Variants in MISP observed in about 807,000 individuals in gnomAD.
The protein encoded by MISP is mitotic interactor and substrate of PLK1.
In MISP, 51 loss-of-function variants were observed where a neutral mutation model predicts 49.3. The ratio of observed to expected loss-of-function variants is 1.03; its 90% CI spans 0.83 to 1.31. The LOEUF (loss-of-function observed/expected upper bound fraction) is 1.31. Ranked by LOEUF, MISP falls within the 50% of genes most tolerant of loss-of-function variation. The pLI is 0.00. For synonymous variants in MISP, 444 were observed against 392.6 expected (o/e 1.13, Z -1.55); for missense variants, 1,084 against 935.1 (o/e 1.16, Z -2.08).
intron 4 of MISP, among the ~76,000 whole-genome samples, chr19:763,060 C>G (rs984720845): frequency 6.6e-6 from 1 of 152,064 alleles, no homozygotes; most frequent in African/African-American, 2.4e-5. Flanking sequence ...GAGGCCGAGG[C>G]GGGAGGATCA....
At chr19:754,041 G>C (rs1292211246) in intron 1 of MISP, among the ~76,000 whole-genome samples, 1 of 152,170 alleles carries the variant, frequency 6.6e-6, no homozygotes, top group Non-Finnish European at 1.5e-5. Flanking sequence ...ATGTCTGCTG[G>C]ACACGGTGGC....
intron 1 of MISP, among the ~76,000 whole-genome samples, 188 bp from the exon 2 acceptor site, chr19:756,702 C>T (rs557604344): frequency 7.2e-5 from 11 of 151,868 alleles, no homozygotes; most frequent in African/African-American, 1.7e-4. Context: ...CTGTCACTTA[C>T]GCACCCCTAA....
At chr19:761,085 CTTTTT>C (rs557194356) in intron 3 of MISP, among the ~76,000 whole-genome samples, 1 of 92,762 alleles carries the variant, frequency 1.1e-5, no homozygotes, top group African/African-American at 4.4e-5. Context: ...ATATTATGTC[CTTTTT>C]TTTTTTTTTT....
At position 758,112 on chromosome 19, in the gene MISP, T is replaced by C. The variant is rs773363095; in HGVS notation, c.1166T>C (p.Leu389Pro). The C allele has an allele frequency of 1.9e-6, 3 of 1,602,174 alleles. No homozygotes were observed. In the Admixed American group the frequency reaches 5.1e-5, roughly 27 times the overall value. ...GTCTCGGAGGGTCCCCAGCCCGGAC[T>C]CCGGAGAGCCCTCAGCTCAGATTCC... ...DWVSEGPQPG[L>P]RRALSSDSIL... The change falls in exon 2 of 5, where the codon CTC becomes CCC. Residue 389 changes from leucine (L) to proline (P), a missense_variant. By Grantham distance (98) the Leu-to-Pro change is moderately conservative. Transcript: ENST00000215582.
Position 756,913 on chromosome 19 carries a change from C to A in MISP, c.-34C>A. The stretch of plus-strand genomic sequence containing the variant: ...AGTAAGCCCAGAGGTCTCCACCCCA[C>A]GGGAGGAAGGCTGAGGCCAAGACCC... On this transcript the variant is annotated 5_prime_UTR_variant, in exon 2 of 5. Transcript: ENST00000215582. The A allele has an allele frequency of 1.4e-6, 2 of 1,466,994 alleles. No individual in the cohort carries two copies. Among genetic ancestry groups the A allele is most frequent in the Non-Finnish European group, 1.8e-6 (2 of 1,097,578 alleles). The allele number at this position is 1,466,994 out of a possible 1,614,324, so 90.9% of individuals were successfully genotyped here.
Position 762,956 on chromosome 19 carries a change from G to A in MISP, c.1951-545G>A, listed in dbSNP as rs539727092. ...CAAATTTCTGGGATTATAGGCATGA[G>A]CCACTATCGCCTGACCCCTCTTTGA... On this transcript the variant is annotated intron_variant, in intron 4 of 4. Transcript: ENST00000215582. Among the ~76,000 whole-genome samples the A allele has an allele frequency of 4.3e-4, 66 of 152,298 alleles. 1 individual carries two copies. Among genetic ancestry groups the A allele is most frequent in the South Asian group, 3.1e-3 (15 of 4,822 alleles).
At chr19:750,282 C>T (rs544888662), upstream of MISP, among the ~76,000 whole-genome samples, 7 of 146,950 alleles carry the variant, frequency 4.8e-5, no homozygotes, top group Non-Finnish European at 1.0e-4. Context: ...TCACTGCAAC[C>T]TCCAACTCCT....
In MISP at chr19:759,055, G is replaced by A. The variant is rs372233334; in HGVS notation, c.1780+329G>A. Among the ~76,000 whole-genome samples, 448 of 152,146 alleles carry A rather than the reference G, an allele frequency of 2.9e-3. 3 individuals carry two copies. In the South Asian group the frequency reaches 0.033, roughly 11 times the overall value. Reference sequence around the variant, plus strand: ...GTTTTCTTTTTTGAGACGGAGTCTCGCTCTGTCGCCCAGGCTGGAGTGCAG... The same window carrying A: ...GTTTTCTTTTTTGAGACGGAGTCTCACTCTGTCGCCCAGGCTGGAGTGCAG... On this transcript the variant is annotated intron_variant, in intron 2 of 4. Transcript: ENST00000215582.
intron 3 of MISP, among the ~76,000 whole-genome samples, chr19:761,210 C>T (rs963987272): frequency 2.7e-5 from 4 of 148,838 alleles, no homozygotes; most frequent in African/African-American, 9.9e-5. Context: ...CTGCCTCGGC[C>T]TCCCGTGTAG....
Position 762,858 on chromosome 19 carries a change from G to A in MISP, c.1951-643G>A, listed in dbSNP as rs184118899. On this transcript the variant is annotated intron_variant, in intron 4 of 4. Coordinates refer to ENST00000215582, the MANE Select transcript of MISP (RefSeq NM_173481.4). ...TTATTTATTTATTTATTTTTGTACA[G>A]GCAGAGTCTCACTAGGTTGCCCAGG... is the stretch of plus-strand genomic sequence containing the variant. Among the ~76,000 whole-genome samples, 343 of 151,990 alleles carry A rather than the reference G, an allele frequency of 2.3e-3. 4 individuals are homozygous for A. Among genetic ancestry groups the A allele is most frequent in the Non-Finnish European group, 1.4e-3 (98 of 67,990 alleles).
At chr19:762,827 TTTTATTTA>T (rs1280995763) in intron 4 of MISP, among the ~76,000 whole-genome samples, 1 of 151,790 alleles carries the variant, frequency 6.6e-6, no homozygotes, top group Non-Finnish European at 1.5e-5. Context: ...GATAGTTTAT[TTTTATTTA>T]TTTATTTATT....
rs200863076 is a variant in MISP, at chr19:757,897, C to T, written c.951C>T (p.Thr317=). The part of the protein sequence containing the change: ...LREQRGLRQA[T]DHQELVEIPT... ...AGCAGAGGGGGCTTCGGCAGGCAAC[C>T]GACCACCAGGAGCTGGTGGAAATCC... The change falls in exon 2 of 5, where the codon ACC becomes ACT. Residue 317 remains threonine (T), a synonymous_variant. Coordinates refer to ENST00000215582, the MANE Select transcript of MISP (RefSeq NM_173481.4). 4.6e-5 allele frequency: 74 copies of T among 1,604,878 alleles called. 1 individual carries two copies. The East Asian group carries it at 5.6e-4, about 12-fold the overall frequency.
At chr19:762,864 G>A (rs1278263958) in intron 4 of MISP, among the ~76,000 whole-genome samples, 1 of 151,836 alleles carries the variant, frequency 6.6e-6, no homozygotes, top group Non-Finnish European at 1.5e-5. Context: ...TACAGGCAGA[G>A]TCTCACTAGG....
At chr19:760,688 A>G (rs1483044159) in intron 3 of MISP, among the ~76,000 whole-genome samples, 1 of 149,206 alleles carries the variant, frequency 6.7e-6, no homozygotes, top group Non-Finnish European at 1.5e-5. Context: ...TCTAAGAAAG[A>G]GAGAGAGAGA....
chr19:761,706 C>A (rs556691863), intron 4 of MISP, 43 bp downstream of exon 4: 29 of 1,610,194 alleles, frequency 1.8e-5, no homozygotes, highest in African/African-American at 5.3e-5. Context: ...CTTTCCCCCC[C>A]ACATCTGTGC....
chr19:748,546 G>A (rs1024953178), upstream of MISP, among the ~76,000 whole-genome samples: 1 of 152,146 alleles, frequency 6.6e-6, no homozygotes, highest in East Asian at 1.9e-4. Flanking sequence ...GGCTGCTGTG[G>A]GGGGGCAGGA....
At position 763,485 on chromosome 19, in the gene MISP, T is replaced by C; in HGVS notation, c.1951-16T>C. On this transcript the variant is annotated splice_polypyrimidine_tract_variant and intron_variant, in intron 4 of 4. Coordinates refer to ENST00000215582, the MANE Select transcript of MISP (RefSeq NM_173481.4). The stretch of plus-strand genomic sequence containing the variant: ...GTAGGACCTGGATCGGGGGAATTCA[T>C]GCCTCCTTTTTGCAGGTCCTGGAAG... 2 of 1,602,194 alleles carry C rather than the reference T, an allele frequency of 1.2e-6. No individual in the cohort carries two copies. Among genetic ancestry groups the C allele is most frequent in the South Asian group, 2.2e-5 (2 of 90,816 alleles).
intron 3 of MISP, 38 bp downstream of exon 3, chr19:760,077 G>A (rs1205021841): frequency 6.2e-7 from 1 of 1,611,208 alleles, no homozygotes. Context: ...GCCAGGCTGA[G>A]GTCAGACAGC....
Position 757,021 on chromosome 19 carries a change from A to G in MISP, c.75A>G (p.Gly25=), listed in dbSNP as rs771294510. 6.2e-7 allele frequency: 1 copy of G among 1,605,670 alleles called. No homozygotes were observed. Among genetic ancestry groups the G allele is most frequent in the South Asian group, 1.1e-5 (1 of 90,016 alleles). The change falls in exon 2 of 5, where the codon GGA becomes GGG. Residue 25 remains glycine, a synonymous_variant. Coordinates refer to ENST00000215582, the MANE Select transcript of MISP (RefSeq NM_173481.4). The part of the protein sequence containing the change: ...AHRGTGLVLD[G]DTSYTYHLVC... ...GTGGCACCGGCCTGGTGCTGGATGG[A>G]GACACCAGCTACACATACCATCTGG...
Sources: gnomAD v4.1 joint callset for allele counts (sites outside exome capture counted in the v4.1 genomes callset) on GRCh38, gnomAD v4.1.1 for gene constraint, MANE v1.5 for transcripts, NCBI Gene and HGNC (gene_info 2026-07-23, HGNC 2026-07-21) for gene names.